The following ANKRD27 variants were observed in gnomAD, a reference collection of about 807,000 sequenced individuals.
ANKRD27 encodes ankyrin repeat domain 27.
ANKRD27 carries 112 observed loss-of-function variants against 129.7 expected under a neutral mutation model. The ratio of observed to expected loss-of-function variants is 0.86; its 90% CI spans 0.74 to 1.01. The LOEUF is 1.01. Ranked by LOEUF, ANKRD27 falls within the 50% of genes least tolerant of loss-of-function variation. The pLI is 0.00. For synonymous variants in ANKRD27, 516 were observed against 511.2 expected (o/e 1.01, Z -0.13); for missense variants, 1,258 against 1,300.5 (o/e 0.97, Z 0.50).
intron 21 of ANKRD27, among the ~76,000 whole-genome samples, chr19:32,616,615 C>A (rs1374424230): frequency 2.0e-5 from 3 of 151,122 alleles, no homozygotes; most frequent in Non-Finnish European, 4.4e-5. Context: ...GCCAGGGGAA[C>A]CTGTCCGTCA....
At chr19:32,642,182 C>T in intron 9 of ANKRD27, 37 bp from the exon 10 acceptor site, 3 of 1,542,978 alleles carry the variant, frequency 1.9e-6, no homozygotes, top group African/African-American at 2.7e-5. Context: ...CTTCAGAGCA[C>T]AGTAAGAGAA....
At chr19:32,604,486 G>A in intron 24 of ANKRD27, 62 bp from the exon 25 acceptor site, 2 of 1,506,176 alleles carry the variant, frequency 1.3e-6, no homozygotes, top group African/African-American at 2.7e-5. Context: ...GAATCTGGCT[G>A]TGGGTATACA....
intron 27 of ANKRD27, 27 bp from the exon 28 acceptor site, chr19:32,599,803 A>G (rs370412682): frequency 8.7e-6 from 14 of 1,609,488 alleles, no homozygotes; most frequent in African/African-American, 1.3e-5. Flanking sequence ...ACGAAAATAA[A>G]TATTTGGGAC....
intron 10 of ANKRD27, among the ~76,000 whole-genome samples, chr19:32,641,265 C>T (rs931615602): frequency 2.6e-5 from 4 of 151,914 alleles, no homozygotes; most frequent in Non-Finnish European, 5.9e-5. Flanking sequence ...TTGCCACCCC[C>T]TTGGACGCTG....
intron 26 of ANKRD27, among the ~76,000 whole-genome samples, chr19:32,601,423 C>CG (rs1443065311): frequency 3.9e-5 from 6 of 151,952 alleles, no homozygotes; most frequent in African/African-American, 4.8e-5. Flanking sequence ...GGTGAAGCCC[C>CG]TCTCTACTAA....
intron 22 of ANKRD27, among the ~76,000 whole-genome samples, chr19:32,608,115 C>T (rs868345614): frequency 5.9e-5 from 9 of 151,926 alleles, no homozygotes; most frequent in South Asian, 2.1e-4. Context: ...GTGATCCTCC[C>T]GCCTCAGCCT....
chr19:32,604,705 C>A (rs1210365094), intron 24 of ANKRD27, among the ~76,000 whole-genome samples: 1 of 152,080 alleles, frequency 6.6e-6, no homozygotes, highest in Non-Finnish European at 1.5e-5. Flanking sequence ...AGTTATGCAA[C>A]CATTAAAAAT....
At chr19:32,645,613 A>AT in intron 4 of ANKRD27, among the ~76,000 whole-genome samples, 2 of 150,010 alleles carry the variant, frequency 1.3e-5, no homozygotes, top group African/African-American at 2.5e-5. Context: ...TAATTATTTT[A>AT]TTTTTTTACT....
chr19:32,643,197 A>C lies in ANKRD27; in HGVS notation c.708T>G (p.Asp236Glu). The stretch of plus-strand genomic sequence containing the variant: ...TTCTTGTGATTTTGTTAAAGGCCGC[A>C]TCCTAACAACAGATTTTAACGAACC... ...KYVGTMEASEDAAFNKITRSL... is the reference protein window; with the variant it reads ...KYVGTMEASEEAAFNKITRSL... Residue 236 changes from aspartate (D) to glutamate (E), a missense_variant and splice_region_variant, in exon 9 of 29, where the codon GAT becomes GAG. By Grantham distance (45) the Asp-to-Glu change is conservative. Transcript: ENST00000306065. 2 of 1,614,136 alleles carry C rather than the reference A, an allele frequency of 1.2e-6. No individual in the cohort carries two copies. Among genetic ancestry groups the C allele is most frequent in the Non-Finnish European group, 1.7e-6 (2 of 1,180,038 alleles).
rs757970763 is a variant in ANKRD27, at chr19:32,599,684, G to T, written c.2919+20C>A. 2.5e-6 allele frequency: 4 copies of T among 1,600,672 alleles called. No homozygotes were observed. The highest frequency in any genetic ancestry group is 3.4e-6 in the Non-Finnish European group (4 of 1,174,172). On this transcript the variant is annotated intron_variant, in intron 28 of 28. Coordinates refer to ENST00000306065, the MANE Select transcript of ANKRD27 (RefSeq NM_032139.3). ...CGGGCTTTAGAAAATATGATTAAAA[G>T]CCAGTGTTTAATAACTTACCTCATG...
At chr19:32,635,155 G>C (rs986891368) in intron 12 of ANKRD27, among the ~76,000 whole-genome samples, 1 of 152,164 alleles carries the variant, frequency 6.6e-6, no homozygotes. Flanking sequence ...GCATCTTTGA[G>C]AGGTGGACAC....
Position 32,602,026 on chromosome 19 carries a change from A to C in ANKRD27, c.2756T>G (p.Ile919Ser). 1.2e-6 allele frequency: 2 copies of C among 1,611,286 alleles called. No homozygotes were observed. Among genetic ancestry groups the C allele is most frequent in the Non-Finnish European group, 1.7e-6 (2 of 1,178,314 alleles). ...ACGTAAACTCTTACATTTTTTCCTG[A>C]TCTTAACAGTGACATACTCCTTGCG... ...TDRKEYVTVK[I>S]RKKWNSKLYD... Residue 919 changes from isoleucine to serine, a missense_variant, in exon 26 of 29, where the codon ATC (isoleucine) becomes AGC (serine). Physicochemically the swap from Ile to Ser is moderately radical, Grantham distance 142. Transcript: ENST00000306065.
intron 1 of ANKRD27, chr19:32,673,418 T>C (rs1967910782): frequency 1.0e-6 from 1 of 985,202 alleles, no homozygotes; most frequent in Non-Finnish European, 1.2e-6. Context: ...AAAGCGATCT[T>C]TCCAGCGCCG....
At position 32,659,022 on chromosome 19, in the gene ANKRD27, T is replaced by C; in HGVS notation, c.-7A>G. On this transcript the variant is annotated 5_prime_UTR_variant, in exon 2 of 29. Coordinates refer to ENST00000306065, the MANE Select transcript of ANKRD27 (RefSeq NM_032139.3). ...CTTCATCATACAGAGCCATATGGACTTCAGATGGGTCAGAGCAAATCTCCT... is the reference window on the plus strand; with the variant it reads ...CTTCATCATACAGAGCCATATGGACCTCAGATGGGTCAGAGCAAATCTCCT... 1 of 1,605,294 alleles carries C rather than the reference T, an allele frequency of 6.2e-7. No homozygotes were observed. The highest frequency in any genetic ancestry group is 1.3e-5 in the African/African-American group (1 of 74,824).
intron 23 of ANKRD27, among the ~76,000 whole-genome samples, chr19:32,606,562 G>A (rs1472729535): frequency 6.6e-6 from 1 of 152,192 alleles, no homozygotes; most frequent in East Asian, 1.9e-4. Flanking sequence ...TGAAGCGCAG[G>A]GTGACAGTGA....
At chr19:32,667,689 G>A (rs1490948766) in intron 1 of ANKRD27, among the ~76,000 whole-genome samples, 3 of 152,168 alleles carry the variant, frequency 2.0e-5, no homozygotes, top group East Asian at 1.9e-4. Flanking sequence ...AAAATTAGCC[G>A]GGCGTGGTGG....
intron 17 of ANKRD27, 105 bp downstream of exon 17, chr19:32,625,769 T>C (rs962495892): frequency 2.0e-6 from 2 of 1,001,510 alleles, no homozygotes; most frequent in Non-Finnish European, 2.8e-6. Context: ...ACACACCCAA[T>C]GTTCCAATAA....
intron 1 of ANKRD27, among the ~76,000 whole-genome samples, chr19:32,664,587 G>C (rs1967710350): frequency 6.7e-6 from 1 of 149,362 alleles, no homozygotes. Flanking sequence ...CTGCACTCCA[G>C]CCTGGGCAAC....
At chr19:32,621,871 A>C (rs1473887090) in intron 18 of ANKRD27, among the ~76,000 whole-genome samples, 1 of 152,200 alleles carries the variant, frequency 6.6e-6, no homozygotes, top group African/African-American at 2.4e-5. Context: ...GAGAGTGCAG[A>C]GAACTGGCCT....
Sources: allele counts gnomAD v4.1 joint callset (sites outside exome capture counted in the v4.1 genomes callset), GRCh38; gene constraint gnomAD v4.1.1; transcripts MANE v1.5; gene names NCBI Gene and HGNC (gene_info 2026-07-23, HGNC 2026-07-21).